Variants in ZNF624 observed in about 807,000 individuals in gnomAD.
The protein encoded by ZNF624 is zinc finger protein 624.
ZNF624 carries 43 observed loss-of-function variants against 74.7 expected under a neutral mutation model. The ratio of observed to expected loss-of-function variants is 0.58; its 90% CI spans 0.45 to 0.74. The LOEUF (loss-of-function observed/expected upper bound fraction) is 0.74, where lower values mean the gene tolerates loss of function less well. Ranked by LOEUF, ZNF624 falls within the 30% of genes least tolerant of loss-of-function variation. ZNF624 has a pLI of 0.00. For missense variants in ZNF624, 820 were observed against 1,030.0 expected (o/e 0.80, Z 2.79); for synonymous variants, 331 against 341.3 (o/e 0.97, Z 0.33).
chr17:16,632,171 C>G (rs889780086), intron 5 of ZNF624, among the ~76,000 whole-genome samples: 2 of 152,204 alleles, frequency 1.3e-5, no homozygotes, highest in Non-Finnish European at 2.9e-5. Context: ...TCTTCCTGCC[C>G]TCAACTGACA....
At chr17:16,640,248 G>A (rs748232036) in intron 3 of ZNF624, among the ~76,000 whole-genome samples, 6 of 152,098 alleles carry the variant, frequency 3.9e-5, no homozygotes, top group Non-Finnish European at 7.4e-5. Flanking sequence ...TTCAACGGTA[G>A]TAGCTGGACA....
At chr17:16,640,273 C>G (rs1205369057) in intron 3 of ZNF624, among the ~76,000 whole-genome samples, 1 of 151,870 alleles carries the variant, frequency 6.6e-6, no homozygotes, top group African/African-American at 2.4e-5. Flanking sequence ...GAAAACAGTG[C>G]TCAGAGGGAA....
intron 5 of ZNF624, 59 bp from the exon 6 acceptor site, chr17:16,624,568 A>G (rs1038586698): frequency 6.4e-6 from 9 of 1,404,334 alleles, no homozygotes; most frequent in African/African-American, 2.9e-5. Flanking sequence ...CAATCTCACT[A>G]AACAGAATAA....
intron 3 of ZNF624, among the ~76,000 whole-genome samples, chr17:16,643,089 G>A (rs572988572): frequency 3.3e-5 from 5 of 152,252 alleles, no homozygotes; most frequent in Middle Eastern, 3.4e-3. Flanking sequence ...TGTAATATGG[G>A]GCAGCTGCTT....
At chr17:16,645,960 A>AAAG (rs1909583469) in intron 3 of ZNF624, among the ~76,000 whole-genome samples, 1 of 151,354 alleles carries the variant, frequency 6.6e-6, no homozygotes, top group Non-Finnish European at 1.5e-5. Context: ...AAAAAAAAAA[A>AAAG]AAAAAGAAAA....
At chr17:16,631,510 G>T (rs1309659105) in intron 5 of ZNF624, 2 of 152,324 alleles carry the variant, frequency 1.3e-5, no homozygotes, top group Admixed American at 1.3e-4. Context: ...AGGATAGCTT[G>T]AGCCCAGGAG....
At chr17:16,648,221 G>T (rs938293391) in intron 2 of ZNF624, among the ~76,000 whole-genome samples, 1 of 151,976 alleles carries the variant, frequency 6.6e-6, no homozygotes. Flanking sequence ...TAGGATTGCA[G>T]GCATGAGCCA....
rs1455109073 is a variant in ZNF624, at chr17:16,621,083, A to ACACAC, written c.*1200_*1204dup. ...CCTGTCTCCATGTGCATCTAACCAC[A>ACACAC]CACACACACATAAACACAAAATAAA... is the stretch of plus-strand genomic sequence containing the variant. On this transcript the variant is annotated 3_prime_UTR_variant, in exon 6 of 6. Transcript: ENST00000311331. 1 of 152,204 alleles carries ACACAC rather than the reference A, an allele frequency of 6.6e-6. No individual in the cohort carries two copies. The highest frequency in any genetic ancestry group is 1.5e-5 in the Non-Finnish European group (1 of 68,032). 9.4% of individuals were successfully genotyped at this position (152,204 alleles called of 1,614,324 possible). A position where few individuals can be genotyped will look rare whatever the true frequency, so the allele number is the denominator to read the frequency against.
At chr17:16,615,576 TA>T in the ZNF624 span, among the ~76,000 whole-genome samples, 1 of 152,176 alleles carries the variant, frequency 6.6e-6, no homozygotes. Context: ...TGAAAAACTA[TA>T]ATCATCTCAA....
At chr17:16,639,509 GC>G (rs1328810513) in intron 3 of ZNF624, among the ~76,000 whole-genome samples, 1 of 151,958 alleles carries the variant, frequency 6.6e-6, no homozygotes, top group East Asian at 1.9e-4. Context: ...ATCTGAGAAG[GC>G]CCTCATCTCT....
intron 3 of ZNF624, among the ~76,000 whole-genome samples, chr17:16,642,309 T>C (rs895767575): frequency 2.0e-5 from 3 of 152,216 alleles, no homozygotes; most frequent in African/African-American, 7.2e-5. Flanking sequence ...AGTATGGTAC[T>C]GACATTAGGA....
chr17:16,635,809 G>A (rs1473187221), intron 3 of ZNF624, among the ~76,000 whole-genome samples: 2 of 150,996 alleles, frequency 1.3e-5, no homozygotes, highest in African/African-American at 4.9e-5. Context: ...TTGATGAGAT[G>A]AGGTTAAAAA....
At chr17:16,645,958 A>AG (rs1255624376) in intron 3 of ZNF624, among the ~76,000 whole-genome samples, 1 of 151,388 alleles carries the variant, frequency 6.6e-6, no homozygotes, top group East Asian at 1.9e-4. Flanking sequence ...AAAAAAAAAA[A>AG]AAAAAAAGAA....
At chr17:16,618,082 G>A (rs796834622), downstream of ZNF624, among the ~76,000 whole-genome samples, 1 of 152,186 alleles carries the variant, frequency 6.6e-6, no homozygotes, top group East Asian at 1.9e-4. Context: ...GAAATTTTGA[G>A]GTTAGTTCCT....
At position 16,623,989 on chromosome 17, in the gene ZNF624, A is replaced by G. The variant is rs1309279769; in HGVS notation, c.897T>C (p.Thr299=). ...CATTACATTCATAAGGTTTTTCTTT[A>G]GTATGAGTTCTTTGATGTTGAATGA... ...SLLIQHQRTH[T]KEKPYECNEC... is the part of the protein sequence containing the mutation. Residue 299 remains threonine (T), a synonymous_variant, in exon 6 of 6, where the codon ACT becomes ACC. Transcript: ENST00000311331. This position sits in a 1 kb window ranked among gnomAD's most constrained non-coding sequence, Gnocchi z 5.3. 1.9e-6 allele frequency: 3 copies of G among 1,613,936 alleles called. No individual in the cohort carries two copies. In the South Asian group the frequency reaches 3.3e-5, roughly 18 times the overall value.
downstream of ZNF624, chr17:16,617,826 TG>T: frequency 6.2e-7 from 1 of 1,611,762 alleles, no homozygotes; most frequent in Non-Finnish European, 8.5e-7. Context: ...GAAAAAGCGC[TG>T]GATGGCCTTC....
Position 16,633,961 on chromosome 17 carries a change from T to A in ZNF624, c.281-4A>T. 6.2e-7 allele frequency: 1 copy of A among 1,611,596 alleles called. No individual in the cohort carries two copies. The highest frequency in any genetic ancestry group is 8.5e-7 in the Non-Finnish European group (1 of 1,178,522). ...TCTGGTTTGGAAACTGCAAGCCCTG[T>A]CCAGAGAAAAATAAATAGGATTTGA... On this transcript the variant is annotated splice_polypyrimidine_tract_variant and splice_region_variant and intron_variant, in intron 4 of 5. Transcript: ENST00000311331.
At chr17:16,636,168 C>G (rs995005687) in intron 3 of ZNF624, among the ~76,000 whole-genome samples, 1 of 152,172 alleles carries the variant, frequency 6.6e-6, no homozygotes, top group African/African-American at 2.4e-5. Flanking sequence ...TCAAAAGCAT[C>G]TAATACAGTT....
In ZNF624 at chr17:16,647,311, T is replaced by C. The variant is rs1167528822; in HGVS notation, c.153+18A>G. The C allele has an allele frequency of 6.2e-7, 1 of 1,601,494 alleles. No homozygotes were observed. Among genetic ancestry groups the C allele is most frequent in the Admixed American group, 1.7e-5 (1 of 60,010 alleles). On this transcript the variant is annotated intron_variant, in intron 3 of 5. Transcript: ENST00000311331. The stretch of plus-strand genomic sequence containing the variant: ...GCATTTTCTCTGTATTCATTATATG[T>C]ACAACAGTAGGTATTACCTTTACCA...
Sources: gnomAD v4.1 joint callset for allele counts (sites outside exome capture counted in the v4.1 genomes callset) on GRCh38, gnomAD v4.1.1 for gene constraint, Gnocchi (gnomAD v3.1) non-coding constraint, MANE v1.5 for transcripts, NCBI Gene and HGNC (gene_info 2026-07-23, HGNC 2026-07-21) for gene names.